The following JAZF1 variants were observed in gnomAD, a reference collection of about 807,000 sequenced individuals.
JAZF1 encodes the protein juxtaposed with another zinc finger protein 1.
A neutral mutation model predicts 26.4 loss-of-function variants in JAZF1; 8 were observed. The ratio of observed to expected loss-of-function variants is 0.30; its 90% CI spans 0.18 to 0.55. The LOEUF is 0.55. Among genes scored for constraint, JAZF1 ranks in the 20% least tolerant of loss-of-function variants. The pLI, the probability that JAZF1 is intolerant of heterozygous loss-of-function variation, is 0.94. For missense variants in JAZF1, 199 were observed against 322.0 expected, an observed-to-expected ratio of 0.62 and a Z score of 2.92; for synonymous variants, 126 against 122.3, an observed-to-expected ratio of 1.03 and a Z score of -0.20.
intron 1 of JAZF1, among the ~76,000 whole-genome samples, chr7:28,107,037 A>G (rs1784563535): frequency 6.6e-6 from 1 of 152,226 alleles, no homozygotes; most frequent in Non-Finnish European, 1.5e-5. Flanking sequence ...AAGAGGGAAC[A>G]AAGTGACTAC....
chr7:28,161,004 C>T (rs138981803), intron 1 of JAZF1, among the ~76,000 whole-genome samples: 58 of 152,120 alleles, frequency 3.8e-4, no homozygotes, highest in Non-Finnish European at 6.9e-4. Flanking sequence ...TGGATCTCAA[C>T]GTCTAAGTCT....
At chr7:27,873,061 G>A (rs1033217672) in intron 3 of JAZF1, among the ~76,000 whole-genome samples, 1 of 152,126 alleles carries the variant, frequency 6.6e-6, no homozygotes, top group Non-Finnish European at 1.5e-5. Context: ...AAGCGACGGG[G>A]TAGGTTTCTA....
chr7:27,982,796 C>T (rs1785613193), intron 2 of JAZF1, among the ~76,000 whole-genome samples: 2 of 152,174 alleles, frequency 1.3e-5, no homozygotes, highest in Admixed American at 1.3e-4. Context: ...ATTTGCTGTT[C>T]TGCAGCCTCC....
intron 1 of JAZF1, among the ~76,000 whole-genome samples, chr7:28,083,731 T>A (rs866189455): frequency 7.2e-5 from 11 of 152,140 alleles, no homozygotes; most frequent in Middle Eastern, 3.4e-3. Flanking sequence ...GTTCTTTATG[T>A]GAGCATTATT....
At chr7:28,055,163 T>TA (rs951568749) in intron 1 of JAZF1, among the ~76,000 whole-genome samples, 78 of 147,770 alleles carry the variant, frequency 5.3e-4, no homozygotes, top group Middle Eastern at 3.5e-3. Context: ...TCAGGTGTTT[T>TA]AAAAAAAAAA....
intron 2 of JAZF1, chr7:27,914,599 T>C (rs895638380): frequency 1.1e-5 from 4 of 373,972 alleles, no homozygotes; most frequent in Non-Finnish European, 2.2e-5. Flanking sequence ...CTCACATCCC[T>C]TACTAAAAAT....
intron 2 of JAZF1, among the ~76,000 whole-genome samples, chr7:27,895,967 G>A (rs945505265): frequency 6.6e-6 from 1 of 152,034 alleles, no homozygotes; most frequent in African/African-American, 2.4e-5. Flanking sequence ...TTGAGTCCTT[G>A]CTTCCCTAGT....
chr7:27,868,714 C>T (rs1783527920), intron 3 of JAZF1, among the ~76,000 whole-genome samples: 1 of 152,208 alleles, frequency 6.6e-6, no homozygotes, highest in African/African-American at 2.4e-5. Context: ...GCATGGTACC[C>T]AAGTCAAACT....
At chr7:28,066,720 T>C (rs1201845751) in intron 1 of JAZF1, among the ~76,000 whole-genome samples, 1 of 151,726 alleles carries the variant, frequency 6.6e-6, no homozygotes, top group South Asian at 2.1e-4. Context: ...AAAAGAAGTG[T>C]CTGTGCTTGC....
At chr7:28,116,334 C>A (rs985275387) in intron 1 of JAZF1, among the ~76,000 whole-genome samples, 5 of 152,164 alleles carry the variant, frequency 3.3e-5, no homozygotes, top group African/African-American at 1.2e-4. Flanking sequence ...AGAATTTTTG[C>A]CAATCTGATA....
At chr7:28,051,769 C>T (rs1262892490) in intron 1 of JAZF1, among the ~76,000 whole-genome samples, 1 of 152,124 alleles carries the variant, frequency 6.6e-6, no homozygotes, top group Non-Finnish European at 1.5e-5. Flanking sequence ...CACAGTCCAT[C>T]AATATTTAAA....
chr7:27,930,053 T>C (rs920786383), intron 2 of JAZF1, among the ~76,000 whole-genome samples: 1 of 151,824 alleles, frequency 6.6e-6, no homozygotes, highest in Non-Finnish European at 1.5e-5. Context: ...TGGAGTCCAG[T>C]GGTGCGATCT....
intron 1 of JAZF1, among the ~76,000 whole-genome samples, chr7:28,126,998 CCT>C (rs1782706089): frequency 6.6e-6 from 1 of 152,242 alleles, no homozygotes; most frequent in Non-Finnish European, 1.5e-5. Context: ...GCCAAAGCCC[CCT>C]GTCTCTCAAT....
rs537352760 is a variant in JAZF1 at position 28,003,385 on chromosome 7, T to A, written c.116-11404A>T. Reference sequence around the variant, plus strand: ...AGGAAAAAATCATCATGTCAAATTATGGCTCTTTTGGTCGTTTTAAGACTT... The same window carrying A: ...AGGAAAAAATCATCATGTCAAATTAAGGCTCTTTTGGTCGTTTTAAGACTT... On this transcript the variant is annotated intron_variant, in intron 1 of 4. Transcript: ENST00000283928. 4.5e-4 allele frequency among the ~76,000 whole-genome samples: 68 copies of A among 152,352 alleles called. 2 individuals are homozygous for A. In the South Asian group the frequency reaches 0.014, roughly 31 times the overall value.
intron 1 of JAZF1, among the ~76,000 whole-genome samples, chr7:28,062,047 T>C (rs1783805706): frequency 6.6e-6 from 1 of 152,182 alleles, no homozygotes; most frequent in African/African-American, 2.4e-5. Context: ...AGTTACAAGG[T>C]AGAGCGTGAA....
At chr7:27,897,238 C>G (rs2128342391) in intron 2 of JAZF1, among the ~76,000 whole-genome samples, 1 of 152,300 alleles carries the variant, frequency 6.6e-6, no homozygotes, top group African/African-American at 2.4e-5. Flanking sequence ...GTAATTCAAA[C>G]TAGTGTTTCA....
chr7:28,111,364 T>C (rs1784658845), intron 1 of JAZF1, among the ~76,000 whole-genome samples: 1 of 152,230 alleles, frequency 6.6e-6, no homozygotes, highest in Non-Finnish European at 1.5e-5. Flanking sequence ...TAGGGTTCTG[T>C]TTTATTTATT....
chr7:27,903,150 G>C (rs1339189663), intron 2 of JAZF1, among the ~76,000 whole-genome samples: 2 of 151,854 alleles, frequency 1.3e-5, no homozygotes, highest in Non-Finnish European at 2.9e-5. Flanking sequence ...TTTAAATACT[G>C]CCATCATGAG....
chr7:28,092,326 A>C (rs1352701487), intron 1 of JAZF1, among the ~76,000 whole-genome samples: 75 of 132,604 alleles, frequency 5.7e-4, no homozygotes, highest in Admixed American at 2.0e-3. Flanking sequence ...AAAAAAAAAA[A>C]CAACTAATGT....
Sources: allele counts gnomAD v4.1 joint callset (sites outside exome capture counted in the v4.1 genomes callset), GRCh38; gene constraint gnomAD v4.1.1; transcripts MANE v1.5; gene names NCBI Gene and HGNC (gene_info 2026-07-23, HGNC 2026-07-21).